The following ZNF892 variants were observed in gnomAD, a reference collection of about 807,000 sequenced individuals.
ZNF892 encodes zinc finger protein 570-like.
At chr2:95,254,122 A>G in the ZNF892 span, among the ~76,000 whole-genome samples, 51 of 152,326 alleles carry the variant, frequency 3.3e-4, no homozygotes, top group African/African-American at 1.2e-3. Flanking sequence ...ACTATGTTGA[A>G]TAGGAGTGGT....
the ZNF892 span, among the ~76,000 whole-genome samples, chr2:95,261,024 C>G: frequency 6.6e-6 from 1 of 152,192 alleles, no homozygotes; most frequent in African/African-American, 2.4e-5. Context: ...GGGTTGTGTA[C>G]ATGGAGAGGG....
the ZNF892 span, chr2:95,215,156 A>G: frequency 3.0e-5 from 14 of 464,548 alleles, no homozygotes; most frequent in Admixed American, 4.1e-4. Context: ...GTGATCGGTC[A>G]GGTCTTATCC....
chr2:95,213,133 G>A, the ZNF892 span, among the ~76,000 whole-genome samples: 1 of 152,244 alleles, frequency 6.6e-6, no homozygotes, highest in South Asian at 2.1e-4. Context: ...TTTCAAAGCC[G>A]TTGTTAGTCT....
the ZNF892 span, chr2:95,215,135 C>G: frequency 2.1e-6 from 1 of 472,530 alleles, no homozygotes; most frequent in Non-Finnish European, 3.8e-6. Context: ...ACGAATGTGG[C>G]AAAGCCTTTA....
chr2:95,213,102 G>A, the ZNF892 span, among the ~76,000 whole-genome samples: 1 of 152,318 alleles, frequency 6.6e-6, no homozygotes, highest in East Asian at 1.9e-4. Context: ...TACTCTGCCA[G>A]CTCTGTATTC....
the ZNF892 span, among the ~76,000 whole-genome samples, chr2:95,209,097 C>T: frequency 6.6e-6 from 1 of 152,100 alleles, no homozygotes; most frequent in Admixed American, 6.5e-5. Flanking sequence ...ACATAGAAAT[C>T]ATTGGTCCAG....
chr2:95,249,370 A>T, the ZNF892 span, among the ~76,000 whole-genome samples: 1 of 144,976 alleles, frequency 6.9e-6, no homozygotes, highest in Non-Finnish European at 1.5e-5. Flanking sequence ...CCTCCCCAGT[A>T]GCTGGGATTA....
the ZNF892 span, among the ~76,000 whole-genome samples, chr2:95,246,518 T>G: frequency 6.6e-6 from 1 of 152,112 alleles, no homozygotes; most frequent in Non-Finnish European, 1.5e-5. Context: ...GCCAGGGAAA[T>G]CAGGCAAGAG....
At chr2:95,242,442 C>G in the ZNF892 span, among the ~76,000 whole-genome samples, 1 of 152,164 alleles carries the variant, frequency 6.6e-6, no homozygotes, top group Admixed American at 6.5e-5. Context: ...CAAACAAATG[C>G]TGAAGGAATT....
At chr2:95,221,412 G>A in the ZNF892 span, among the ~76,000 whole-genome samples, 1 of 152,106 alleles carries the variant, frequency 6.6e-6, no homozygotes, top group Non-Finnish European at 1.5e-5. Flanking sequence ...ATTTTCTGAT[G>A]TTAAAGAATC....
the ZNF892 span, among the ~76,000 whole-genome samples, chr2:95,260,271 C>T: frequency 1.5e-4 from 23 of 152,280 alleles, 1 homozygote; most frequent in South Asian, 4.4e-3. Context: ...GCCAAACACA[C>T]ACCCACCCTT....
the ZNF892 span, among the ~76,000 whole-genome samples, chr2:95,255,946 A>C: frequency 1.3e-5 from 2 of 152,026 alleles, no homozygotes; most frequent in Non-Finnish European, 1.5e-5. Flanking sequence ...CTCTTCCTCC[A>C]TCCCTTTATT....
the ZNF892 span, among the ~76,000 whole-genome samples, chr2:95,213,977 T>G: frequency 6.6e-6 from 1 of 152,194 alleles, no homozygotes; most frequent in Non-Finnish European, 1.5e-5. Context: ...TCCTATCTCC[T>G]CTAAAGGATC....
At chr2:95,233,325 G>C in the ZNF892 span, among the ~76,000 whole-genome samples, 1 of 150,842 alleles carries the variant, frequency 6.6e-6, no homozygotes, top group East Asian at 2.0e-4. Context: ...TCAGCCTCCC[G>C]GGTGGCTGGG....
the ZNF892 span, chr2:95,208,885 C>T: frequency 5.1e-6 from 2 of 394,990 alleles, no homozygotes; most frequent in Non-Finnish European, 8.9e-6. Flanking sequence ...AGGAAGTGTT[C>T]TTCAGTTGTG....
chr2:95,257,794 C>T, the ZNF892 span, among the ~76,000 whole-genome samples: 1 of 152,218 alleles, frequency 6.6e-6, no homozygotes, highest in Non-Finnish European at 1.5e-5. Context: ...AGCCTCACTA[C>T]CACCTTGCAG....
chr2:95,219,004 T>C, the ZNF892 span, among the ~76,000 whole-genome samples: 1 of 148,688 alleles, frequency 6.7e-6, no homozygotes, highest in Admixed American at 6.6e-5. Flanking sequence ...TTTTCTTTTT[T>C]TTGTTTGTTT....
At chr2:95,227,425 G>A in the ZNF892 span, among the ~76,000 whole-genome samples, 1 of 151,942 alleles carries the variant, frequency 6.6e-6, no homozygotes, top group African/African-American at 2.4e-5. Context: ...CTGGGCTCAG[G>A]TGATTCTCCC....
chr2:95,246,762 G>T, the ZNF892 span, among the ~76,000 whole-genome samples: 1 of 152,106 alleles, frequency 6.6e-6, no homozygotes, highest in Non-Finnish European at 1.5e-5. Flanking sequence ...ATTCATAATG[G>T]CTATAAAAAG....
Sources: gnomAD v4.1 joint callset for allele counts (sites outside exome capture counted in the v4.1 genomes callset) on GRCh38, gnomAD v4.1.1 for gene constraint, MANE v1.5 for transcripts, NCBI Gene and HGNC (gene_info 2026-07-23, HGNC 2026-07-21) for gene names.